DLG2: variants seen among roughly 807,000 people sequenced by gnomAD.
DLG2 encodes the protein disks large homolog 2.
Under a neutral mutation model 132.5 loss-of-function variants are expected in DLG2, and 45 were observed. The ratio of observed to expected loss-of-function variants is 0.34; its 90% CI spans 0.27 to 0.44. The LOEUF (loss-of-function observed/expected upper bound fraction) is 0.44, where lower values mean the gene tolerates loss of function less well. DLG2 is among the 20% of genes least tolerant of loss of function. The pLI is 1.00. For missense variants in DLG2, 1,045 were observed against 1,196.9 expected (o/e 0.87, Z 1.87); for synonymous variants, 424 against 419.6 (o/e 1.01, Z -0.13).
intron 7 of DLG2, among the ~76,000 whole-genome samples, chr11:84,421,689 A>G (rs2098951418): frequency 6.6e-6 from 1 of 152,188 alleles, no homozygotes; most frequent in Non-Finnish European, 1.5e-5. Flanking sequence ...CTATTTAGAT[A>G]ACAAACCAAA....
In DLG2 at chr11:84,551,729, ACT is replaced by A. The variant is rs1247397310; in HGVS notation, c.358-17000_358-16999del. 2.0e-5 allele frequency among the ~76,000 whole-genome samples: 3 copies of A among 152,140 alleles called. No individual in the cohort carries two copies. In the South Asian group the frequency reaches 6.2e-4, roughly 32 times the overall value. On this transcript the variant is annotated intron_variant, in intron 6 of 27. Transcript: ENST00000376104. ...GTCTCTCAAGTATTATGCATTTCTT[ACT>A]CTCTGACTCAGATGTTTCTTCTGAG...
chr11:83,878,183 C>G (rs1382890513), intron 15 of DLG2, among the ~76,000 whole-genome samples: 2 of 152,136 alleles, frequency 1.3e-5, no homozygotes, highest in Non-Finnish European at 2.9e-5. Flanking sequence ...ATTCACATGC[C>G]CATTTCTCCT....
intron 9 of DLG2, among the ~76,000 whole-genome samples, chr11:84,128,209 C>A (rs2094265244): frequency 6.6e-6 from 1 of 152,026 alleles, no homozygotes; most frequent in African/African-American, 2.4e-5. Context: ...GATGTTAGAC[C>A]AGTAGCTGGG....
At chr11:85,549,510 GA>G (rs2076538454) in intron 3 of DLG2, among the ~76,000 whole-genome samples, 1 of 151,992 alleles carries the variant, frequency 6.6e-6, no homozygotes, top group African/African-American at 2.4e-5. Context: ...GTACAAGTAT[GA>G]AAAAAAGCAT....
intron 6 of DLG2, among the ~76,000 whole-genome samples, chr11:85,050,776 G>T (rs1031030464): frequency 2.0e-5 from 3 of 152,104 alleles, no homozygotes; most frequent in African/African-American, 7.2e-5. Context: ...TTTCTATGTG[G>T]ATTTCAAAGT....
At chr11:83,825,169 ATATTTTTTTTT>A (rs1240061097) in intron 17 of DLG2, among the ~76,000 whole-genome samples, 14 of 91,200 alleles carry the variant, frequency 1.5e-4, no homozygotes, top group South Asian at 4.6e-4. Flanking sequence ...ATATATATAT[ATATTTTTTTTT>A]TTTTTTTTTT....
chr11:85,099,921 C>G (rs979636635), intron 6 of DLG2, among the ~76,000 whole-genome samples: 58 of 152,232 alleles, frequency 3.8e-4, no homozygotes, highest in African/African-American at 1.4e-3. Flanking sequence ...CAATCACTTG[C>G]GCTTCTAAAG....
chr11:85,134,150 A>C (rs1195046905), intron 5 of DLG2, among the ~76,000 whole-genome samples: 2 of 152,202 alleles, frequency 1.3e-5, no homozygotes, highest in African/African-American at 4.8e-5. Flanking sequence ...TACATAGTCA[A>C]CTGGACCATT....
intron 21 of DLG2, among the ~76,000 whole-genome samples, chr11:83,504,567 C>A (rs576987353): frequency 6.6e-6 from 1 of 152,268 alleles, no homozygotes; most frequent in African/African-American, 2.4e-5. Flanking sequence ...GCAATCTTAA[C>A]TTCCCATTTA....
intron 7 of DLG2, among the ~76,000 whole-genome samples, chr11:84,455,690 T>G (rs992996896): frequency 6.6e-6 from 1 of 151,382 alleles, no homozygotes; most frequent in African/African-American, 2.4e-5. Flanking sequence ...ATACTAGACT[T>G]TTATTCTACT....
chr11:83,648,385 G>A (rs758651944), intron 18 of DLG2, among the ~76,000 whole-genome samples: 1 of 152,068 alleles, frequency 6.6e-6, no homozygotes, highest in Non-Finnish European at 1.5e-5. Flanking sequence ...ATAGAGGCAA[G>A]GACTATGCCT....
chr11:84,081,381 A>G (rs2096900705), intron 10 of DLG2, among the ~76,000 whole-genome samples: 1 of 152,270 alleles, frequency 6.6e-6, no homozygotes, highest in East Asian at 1.9e-4. Flanking sequence ...CACTATTATT[A>G]TTAATTCAAT....
intron 4 of DLG2, among the ~76,000 whole-genome samples, chr11:85,255,917 G>T (rs892736274): frequency 1.3e-5 from 2 of 152,140 alleles, no homozygotes; most frequent in African/African-American, 4.8e-5. Flanking sequence ...TCCTGTAATC[G>T]CTGTTAATAA....
intron 9 of DLG2, among the ~76,000 whole-genome samples, chr11:84,114,156 T>G (rs2154195108): frequency 6.6e-6 from 1 of 152,116 alleles, no homozygotes; most frequent in Non-Finnish European, 1.5e-5. Context: ...AAATTATTAC[T>G]TATAAAAAAT....
intron 6 of DLG2, among the ~76,000 whole-genome samples, chr11:84,595,106 C>T (rs1180013934): frequency 6.6e-6 from 1 of 152,052 alleles, no homozygotes; most frequent in African/African-American, 2.4e-5. Context: ...TTGGGGGTCT[C>T]ATACCTATCT....
chr11:85,502,436 T>G (rs2093826284), intron 3 of DLG2, among the ~76,000 whole-genome samples: 1 of 150,548 alleles, frequency 6.6e-6, no homozygotes, highest in East Asian at 2.0e-4. Context: ...AGAAAAAAAA[T>G]GTGGCACATA....
intron 14 of DLG2, among the ~76,000 whole-genome samples, chr11:83,957,235 T>A (rs915872932): frequency 6.6e-6 from 1 of 152,214 alleles, no homozygotes; most frequent in Non-Finnish European, 1.5e-5. Flanking sequence ...TAACCAGTTC[T>A]AATCCACAAA....
chr11:84,775,159 G>A (rs1213527048), intron 6 of DLG2, among the ~76,000 whole-genome samples: 2 of 151,982 alleles, frequency 1.3e-5, no homozygotes, highest in African/African-American at 4.8e-5. Flanking sequence ...CATACAAGCA[G>A]CCAACAAACA....
intron 4 of DLG2, among the ~76,000 whole-genome samples, chr11:85,233,686 T>C (rs1276942709): frequency 6.6e-6 from 1 of 151,010 alleles, no homozygotes; most frequent in Non-Finnish European, 1.5e-5. Flanking sequence ...TATTCTACTC[T>C]GGATCCTTAA....
Sources: gnomAD v4.1 joint callset for allele counts (sites outside exome capture counted in the v4.1 genomes callset) on GRCh38, gnomAD v4.1.1 for gene constraint, MANE v1.5 for transcripts, NCBI Gene and HGNC (gene_info 2026-07-23, HGNC 2026-07-21) for gene names.